Variants in TRPS1 observed in about 807,000 individuals in gnomAD.
TRPS1 encodes zinc finger transcription factor Trps1.
TRPS1 carries 6 observed loss-of-function variants against 101.2 expected under a neutral mutation model. The observed-to-expected ratio is 0.06, with a 90% CI of 0.03 to 0.12. The LOEUF (loss-of-function observed/expected upper bound fraction) is 0.12, where lower values mean the gene tolerates loss of function less well. Among genes scored for constraint, TRPS1 ranks in the 10% least tolerant of loss-of-function variants. TRPS1 has a pLI of 1.00. For synonymous variants in TRPS1, 578 were observed against 589.8 expected, an observed-to-expected ratio of 0.98 and a Z score of 0.29; for missense variants, 1,363 against 1,567.0, an observed-to-expected ratio of 0.87 and a Z score of 2.20.
intron 1 of TRPS1, among the ~76,000 whole-genome samples, chr8:115,635,463 A>G (rs180737745): frequency 2.6e-5 from 4 of 152,200 alleles, no homozygotes; most frequent in Non-Finnish European, 5.9e-5. Flanking sequence ...CTGAGGGCCA[A>G]CTATGTGTCA....
At chr8:115,514,295 A>C (rs1815655948) in intron 5 of TRPS1, among the ~76,000 whole-genome samples, 1 of 151,718 alleles carries the variant, frequency 6.6e-6, no homozygotes, top group African/African-American at 2.4e-5. Context: ...TTTAGGTGGG[A>C]GTCAGTGTAA....
chr8:115,610,695 G>C (rs113904025), intron 3 of TRPS1, among the ~76,000 whole-genome samples: 15 of 152,212 alleles, frequency 9.9e-5, no homozygotes, highest in African/African-American at 3.6e-4. Flanking sequence ...TTTATTATTG[G>C]CTTTTTGCAT....
chr8:115,523,877 A>G (rs1815929284), intron 5 of TRPS1, among the ~76,000 whole-genome samples: 1 of 152,160 alleles, frequency 6.6e-6, no homozygotes, highest in Admixed American at 6.6e-5. Flanking sequence ...GAAGGCTGAC[A>G]AGGTTACTGC....
intron 5 of TRPS1, among the ~76,000 whole-genome samples, chr8:115,584,201 A>G (rs1292342018): frequency 1.3e-5 from 2 of 152,034 alleles, no homozygotes; most frequent in Non-Finnish European, 2.9e-5. Flanking sequence ...CAAGTTTTCC[A>G]TACTTAATTC....
At chr8:115,529,566 T>C (rs1469035230) in intron 5 of TRPS1, among the ~76,000 whole-genome samples, 1 of 152,116 alleles carries the variant, frequency 6.6e-6, no homozygotes, top group African/African-American at 2.4e-5. Flanking sequence ...AGTAAACATC[T>C]ATGACTACCT....
intron 5 of TRPS1, among the ~76,000 whole-genome samples, chr8:115,429,950 AG>A (rs1813279485): frequency 1.3e-5 from 2 of 152,034 alleles, no homozygotes; most frequent in Admixed American, 6.6e-5. Context: ...GATTTTTTAA[AG>A]GAAAAGAAAA....
intron 1 of TRPS1, among the ~76,000 whole-genome samples, chr8:115,648,818 T>G (rs2737249): frequency 0.46 from 69,160 of 151,986 alleles, 17,715 homozygotes; most frequent in African/African-American, 0.69. Flanking sequence ...AGTACTTTTT[T>G]AAGTCTAACC....
At chr8:115,439,234 A>G (rs1235385860) in intron 5 of TRPS1, among the ~76,000 whole-genome samples, 1 of 152,176 alleles carries the variant, frequency 6.6e-6, no homozygotes, top group Non-Finnish European at 1.5e-5. Context: ...GGGCGGTATG[A>G]TCTCTGCACT....
intron 4 of TRPS1, among the ~76,000 whole-genome samples, chr8:115,591,184 A>C (rs1329588260): frequency 6.6e-6 from 1 of 152,126 alleles, no homozygotes; most frequent in East Asian, 1.9e-4. Context: ...AATAACAAAG[A>C]CAGTAAGGGC....
intron 1 of TRPS1, among the ~76,000 whole-genome samples, chr8:115,641,896 A>G (rs1029508488): frequency 6.6e-6 from 1 of 152,150 alleles, no homozygotes; most frequent in Non-Finnish European, 1.5e-5. Context: ...AAAACAAAAC[A>G]AAACAAAACA....
chr8:115,467,031 G>A (rs902477025), intron 5 of TRPS1, among the ~76,000 whole-genome samples: 4 of 151,976 alleles, frequency 2.6e-5, no homozygotes, highest in African/African-American at 9.7e-5. Flanking sequence ...TGGTTGGTAC[G>A]ATCTCACCAT....
intron 5 of TRPS1, among the ~76,000 whole-genome samples, chr8:115,501,508 T>C (rs149019367): frequency 6.6e-6 from 1 of 152,202 alleles, no homozygotes; most frequent in Admixed American, 6.5e-5. Context: ...AATTTTTATG[T>C]TCATACAAAA....
At chr8:115,477,728 T>A (rs1051205966) in intron 5 of TRPS1, among the ~76,000 whole-genome samples, 18 of 152,176 alleles carry the variant, frequency 1.2e-4, no homozygotes, top group African/African-American at 4.3e-4. Flanking sequence ...GTATCCTTAG[T>A]TGGCTACATC....
At chr8:115,459,645 C>T (rs1426602248) in intron 5 of TRPS1, among the ~76,000 whole-genome samples, 2 of 152,094 alleles carry the variant, frequency 1.3e-5, no homozygotes, top group East Asian at 1.9e-4. Flanking sequence ...GTGGAACTGC[C>T]TGCCTGAATT....
rs7843293 is a variant in TRPS1 at position 115,411,072 on chromosome 8, A to T, written c.*2951T>A. On this transcript the variant is annotated 3_prime_UTR_variant, in exon 7 of 7. Transcript: ENST00000395715. ...TTATAATAAATTTTTGTCTCTTTCA[A>T]AAAAGCCCAACCTCTTCTCCACCAA... 1 of 151,928 alleles carries T rather than the reference A, an allele frequency of 6.6e-6. No individual in the cohort carries two copies. The highest frequency in any genetic ancestry group is 1.5e-5 in the Non-Finnish European group (1 of 67,912). The allele number at this position is 151,928 out of a possible 1,614,324, so 9.4% of individuals were successfully genotyped here. A position where few individuals can be genotyped will look rare whatever the true frequency, so the allele number is the denominator to read the frequency against.
intron 5 of TRPS1, among the ~76,000 whole-genome samples, chr8:115,530,103 T>C (rs1816094877): frequency 6.6e-6 from 1 of 152,176 alleles, no homozygotes; most frequent in African/African-American, 2.4e-5. Context: ...ATTAGTACTG[T>C]AGGCATTCTA....
At chr8:115,499,882 G>A (rs1477534492) in intron 5 of TRPS1, among the ~76,000 whole-genome samples, 1 of 152,000 alleles carries the variant, frequency 6.6e-6, no homozygotes, top group South Asian at 2.1e-4. Context: ...GTAGTACTAG[G>A]TTAAGGCATG....
At chr8:115,485,401 C>A (rs905714980) in intron 5 of TRPS1, among the ~76,000 whole-genome samples, 1 of 152,222 alleles carries the variant, frequency 6.6e-6, no homozygotes, top group Non-Finnish European at 1.5e-5. Flanking sequence ...AGACCCTGAA[C>A]AGAACATCCA....
chr8:115,497,618 G>A (rs115815786), intron 5 of TRPS1, among the ~76,000 whole-genome samples: 1,990 of 152,314 alleles, frequency 0.013, 43 homozygotes, highest in African/African-American at 0.045. Flanking sequence ...GATTGAAAGT[G>A]GAAAGGGATA....
Sources: gnomAD v4.1 joint callset for allele counts (sites outside exome capture counted in the v4.1 genomes callset) on GRCh38, gnomAD v4.1.1 for gene constraint, MANE v1.5 for transcripts, NCBI Gene and HGNC (gene_info 2026-07-23, HGNC 2026-07-21) for gene names.